The following TMTC2 variants were observed in gnomAD, a reference collection of about 807,000 sequenced individuals.
TMTC2 encodes the protein transmembrane O-mannosyltransferase targeting cadherins 2.
A neutral mutation model predicts 82.4 loss-of-function variants in TMTC2; 43 were observed. The observed-to-expected ratio is 0.52, with a 90% CI of 0.41 to 0.67. The LOEUF is 0.67. Ranked by LOEUF, TMTC2 falls within the 30% of genes least tolerant of loss-of-function variation. The pLI is 0.00. For synonymous variants in TMTC2, 408 were observed against 381.9 expected, an observed-to-expected ratio of 1.07 and a Z score of -0.80; for missense variants, 919 against 1,012.4, an observed-to-expected ratio of 0.91 and a Z score of 1.25.
chr12:83,001,780 C>T (rs1879937907), intron 8 of TMTC2, among the ~76,000 whole-genome samples: 1 of 151,990 alleles, frequency 6.6e-6, no homozygotes, highest in Non-Finnish European at 1.5e-5. Flanking sequence ...CAAGAGCCAC[C>T]TTTGTTCCAG....
intron 7 of TMTC2, among the ~76,000 whole-genome samples, chr12:82,969,414 A>AT (rs980464617): frequency 4.3e-4 from 65 of 151,888 alleles, no homozygotes; most frequent in African/African-American, 1.5e-3. Flanking sequence ...TTCCCATTCT[A>AT]TTTTTTTCTT....
intron 3 of TMTC2, among the ~76,000 whole-genome samples, chr12:82,917,258 CT>C (rs897751942): frequency 6.6e-6 from 1 of 151,898 alleles, no homozygotes; most frequent in Non-Finnish European, 1.5e-5. Context: ...CCTTTGTTTT[CT>C]TTTTTTCCTT....
chr12:82,930,532 A>T lies in TMTC2; in HGVS notation c.1585A>T (p.Met529Leu), dbSNP rs769550182. ...GTACTACCGCAGCAACATGGCTGAC[A>T]TGCTTTATAATTTGTGAGTATGCCT... ...ALYYRSNMAD[M>L]LYNLGLLLQE... Residue 529 changes from methionine (M) to leucine (L), a missense_variant, in exon 4 of 12, where the codon ATG (methionine) becomes TTG (leucine). By Grantham distance (15) the Met-to-Leu change is conservative. Coordinates refer to ENST00000321196, the MANE Select transcript of TMTC2 (RefSeq NM_152588.3). The T allele has an allele frequency of 8.2e-5, 130 of 1,580,664 alleles. No homozygotes were observed. Among genetic ancestry groups the T allele is most frequent in the Non-Finnish European group, 1.1e-4 (124 of 1,156,746 alleles).
intron 11 of TMTC2, among the ~76,000 whole-genome samples, chr12:83,106,898 C>T (rs531703128): frequency 2.8e-4 from 42 of 152,234 alleles, no homozygotes; most frequent in African/African-American, 9.6e-4. Flanking sequence ...GCATATACTT[C>T]GGATAGAATA....
intron 1 of TMTC2, among the ~76,000 whole-genome samples, chr12:82,824,202 T>C (rs1312075325): frequency 6.6e-6 from 1 of 152,300 alleles, no homozygotes; most frequent in East Asian, 1.9e-4. Flanking sequence ...CCTATTCCAT[T>C]TCTTAAATAA....
chr12:83,075,045 G>A (rs1883241058), intron 11 of TMTC2, among the ~76,000 whole-genome samples: 1 of 152,270 alleles, frequency 6.6e-6, no homozygotes, highest in East Asian at 1.9e-4. Flanking sequence ...AGCTCCCAGG[G>A]CCTTTCTGCT....
intron 1 of TMTC2, among the ~76,000 whole-genome samples, chr12:82,816,248 TG>T (rs907278610): frequency 5.9e-5 from 9 of 151,300 alleles, no homozygotes; most frequent in African/African-American, 2.2e-4. Context: ...CTCAGGACAT[TG>T]GGAAAACCTA....
intron 1 of TMTC2, among the ~76,000 whole-genome samples, chr12:82,798,414 G>A (rs1164618729): frequency 2.6e-4 from 38 of 145,608 alleles, no homozygotes; most frequent in Non-Finnish European, 4.8e-4. Context: ...GGAGAATGGC[G>A]TGAACCTGGG....
intron 1 of TMTC2, among the ~76,000 whole-genome samples, chr12:82,828,211 CTTT>C (rs58399725): frequency 2.7e-5 from 3 of 109,674 alleles, no homozygotes; most frequent in Non-Finnish European, 5.5e-5. Context: ...TTTTCTTTGG[CTTT>C]TTTTTTTTTT....
At chr12:82,727,844 C>CA (rs58681807) in intron 1 of TMTC2, among the ~76,000 whole-genome samples, 10 of 148,238 alleles carry the variant, frequency 6.7e-5, no homozygotes, top group African/African-American at 2.2e-4. Flanking sequence ...TAAGAAAGGC[C>CA]AAAAAAAAAA....
intron 1 of TMTC2, among the ~76,000 whole-genome samples, chr12:82,798,552 T>A (rs1431415722): frequency 5.5e-5 from 8 of 145,794 alleles, no homozygotes; most frequent in African/African-American, 2.0e-4. Context: ...AAGCCTGTAA[T>A]CCCAGCGCTT....
Position 83,000,646 on chromosome 12 carries a change from C to G in TMTC2, c.2070+14600C>G, listed in dbSNP as rs370087566. 6.6e-5 allele frequency among the ~76,000 whole-genome samples: 10 copies of G among 152,208 alleles called. No homozygotes were observed. The East Asian group carries it at 1.9e-3, about 30-fold the overall frequency. ...ATGGTGCAAGCTGTCAGTGGATCTA[C>G]CATTCTGGGGTCTGGAGGACTGTGG... On this transcript the variant is annotated intron_variant, in intron 8 of 11. Coordinates refer to ENST00000321196, the MANE Select transcript of TMTC2 (RefSeq NM_152588.3).
intron 1 of TMTC2, among the ~76,000 whole-genome samples, chr12:82,798,247 G>A (rs1387880437): frequency 3.5e-5 from 5 of 141,350 alleles, no homozygotes; most frequent in Admixed American, 3.5e-4. Context: ...GAGCCACCAC[G>A]CCCGGCCACC....
At chr12:82,831,737 T>C (rs1869761303) in intron 1 of TMTC2, among the ~76,000 whole-genome samples, 1 of 152,098 alleles carries the variant, frequency 6.6e-6, no homozygotes, top group Admixed American at 6.6e-5. Flanking sequence ...CTTTAATTTT[T>C]CCCATATGGG....
chr12:82,864,380 A>T (rs185025222), intron 2 of TMTC2, among the ~76,000 whole-genome samples: 1 of 151,892 alleles, frequency 6.6e-6, no homozygotes, highest in East Asian at 1.9e-4. Flanking sequence ...GGAGGGGGGA[A>T]CTATCCCATC....
intron 11 of TMTC2, among the ~76,000 whole-genome samples, chr12:83,104,430 T>C (rs1401919489): frequency 6.6e-6 from 1 of 152,144 alleles, no homozygotes; most frequent in East Asian, 1.9e-4. Flanking sequence ...TCCACTGAAA[T>C]CTAGGTGCAG....
chr12:82,859,259 G>A (rs1231534386), intron 2 of TMTC2, among the ~76,000 whole-genome samples: 1 of 151,956 alleles, frequency 6.6e-6, no homozygotes, highest in Non-Finnish European at 1.5e-5. Context: ...GTAGAGATGG[G>A]GTTTCACCAT....
At chr12:82,861,527 T>C (rs1871549507) in intron 2 of TMTC2, among the ~76,000 whole-genome samples, 1 of 152,260 alleles carries the variant, frequency 6.6e-6, no homozygotes, top group South Asian at 2.1e-4. Context: ...ATGAAAGTTA[T>C]ATTTTTATTT....
intron 2 of TMTC2, among the ~76,000 whole-genome samples, chr12:82,865,466 C>G (rs1871798670): frequency 6.6e-6 from 1 of 152,064 alleles, no homozygotes; most frequent in South Asian, 2.1e-4. Context: ...GCTAACTATC[C>G]TAAATATATA....
Sources: gnomAD v4.1 joint callset for allele counts (sites outside exome capture counted in the v4.1 genomes callset) on GRCh38, gnomAD v4.1.1 for gene constraint, MANE v1.5 for transcripts, NCBI Gene and HGNC (gene_info 2026-07-23, HGNC 2026-07-21) for gene names.